Variants in UBE2L6 observed in about 807,000 individuals in gnomAD.
UBE2L6 encodes the protein ubiquitin conjugating enzyme E2 L6, also known as ubiquitin/ISG15-conjugating enzyme E2 L6.
Under a neutral mutation model 13.6 loss-of-function variants are expected in UBE2L6, and 11 were observed. The observed-to-expected ratio is 0.81, with a 90% CI of 0.51 to 1.34. The LOEUF (loss-of-function observed/expected upper bound fraction) is 1.34. UBE2L6 is among the 40% of genes most tolerant of loss of function. The pLI, the probability that UBE2L6 is intolerant of heterozygous loss-of-function variation, is 0.00. For synonymous variants in UBE2L6, 74 were observed against 83.2 expected (o/e 0.89, Z 0.60); for missense variants, 197 against 199.5 (o/e 0.99, Z 0.07).
intron 2 of UBE2L6, among the ~76,000 whole-genome samples, chr11:57,556,587 C>T (rs1384446724): frequency 6.5e-5 from 5 of 77,192 alleles, no homozygotes; most frequent in African/African-American, 2.7e-4. Flanking sequence ...AGCAAAACTC[C>T]GTCTCAAAAA....
At chr11:57,565,060 T>G (rs1007818590) in intron 1 of UBE2L6, among the ~76,000 whole-genome samples, 1 of 151,914 alleles carries the variant, frequency 6.6e-6, no homozygotes, top group African/African-American at 2.4e-5. Context: ...CTGACCAACA[T>G]GGAGAAACCC....
rs1028348479 is a variant in UBE2L6 at position 57,552,622 on chromosome 11, G to A, written c.311-113C>T. ...CACTCCTTGGGGGAAAGGTTACATC[G>A]CTTAGGATTACTCTACGACCAGATC... On this transcript the variant is annotated intron_variant, in intron 3 of 3. Coordinates refer to ENST00000287156, the MANE Select transcript of UBE2L6 (RefSeq NM_004223.5). 4.0e-5 allele frequency: 54 copies of A among 1,357,692 alleles called. No individual in the cohort carries two copies. The Middle Eastern group carries it at 8.9e-4, about 22-fold the overall frequency. The allele number at this position is 1,357,692 out of a possible 1,614,324, so 84.1% of individuals were successfully genotyped here.
At chr11:57,555,287 G>A (rs1944988481) in intron 2 of UBE2L6, among the ~76,000 whole-genome samples, 2 of 152,166 alleles carry the variant, frequency 1.3e-5, no homozygotes, top group African/African-American at 4.8e-5. Context: ...ACACACAATG[G>A]AGTATTATTT....
Position 57,563,163 on chromosome 11 carries a change from T to C in UBE2L6, c.28-2731A>G, listed in dbSNP as rs373534851. Among the ~76,000 whole-genome samples the C allele has an allele frequency of 1.3e-5, 2 of 151,634 alleles. 1 individual carries two copies. ...AATTTAACAAATAAATTGAAATAAT[T>C]AAAAAGAATCAAGGAGAAATTCCGG... On this transcript the variant is annotated intron_variant, in intron 1 of 3. Coordinates refer to ENST00000287156, the MANE Select transcript of UBE2L6 (RefSeq NM_004223.5).
intron 2 of UBE2L6, among the ~76,000 whole-genome samples, chr11:57,557,834 C>T (rs1005085614): frequency 1.4e-4 from 21 of 152,204 alleles, no homozygotes; most frequent in Non-Finnish European, 2.5e-4. Flanking sequence ...GAAGGGGCTT[C>T]TTTCTGGGCT....
At chr11:57,554,044 C>T (rs780640992) in intron 3 of UBE2L6, among the ~76,000 whole-genome samples, 1 of 152,170 alleles carries the variant, frequency 6.6e-6, no homozygotes, top group Non-Finnish European at 1.5e-5. Flanking sequence ...GCCGAAAGTG[C>T]TCAGTCAAGT....
At chr11:57,562,477 G>A (rs894822477) in intron 1 of UBE2L6, among the ~76,000 whole-genome samples, 19 of 152,220 alleles carry the variant, frequency 1.2e-4, no homozygotes, top group African/African-American at 4.3e-4. Flanking sequence ...GGCCTTGAGC[G>A]AACGTAGGGC....
intron 1 of UBE2L6, among the ~76,000 whole-genome samples, chr11:57,562,326 A>T (rs1393607346): frequency 6.6e-6 from 1 of 152,128 alleles, no homozygotes; most frequent in Non-Finnish European, 1.5e-5. Flanking sequence ...CACTAGAGAG[A>T]TTTCTAAGGT....
At chr11:57,556,654 T>C (rs1448205593) in intron 2 of UBE2L6, among the ~76,000 whole-genome samples, 2 of 113,532 alleles carry the variant, frequency 1.8e-5, no homozygotes, top group African/African-American at 3.5e-5. Context: ...ATAAAGAAAA[T>C]ATCTCATTTT....
chr11:57,565,285 G>A (rs1254853622), intron 1 of UBE2L6, among the ~76,000 whole-genome samples: 3 of 149,192 alleles, frequency 2.0e-5, no homozygotes, highest in East Asian at 4.0e-4. Context: ...AAAGAAAGAA[G>A]GAAAGAAATA....
intron 3 of UBE2L6, among the ~76,000 whole-genome samples, chr11:57,552,919 A>C (rs1012628763): frequency 6.6e-6 from 1 of 152,174 alleles, no homozygotes; most frequent in African/African-American, 2.4e-5. Context: ...TTCATCTTTC[A>C]CAGATGCCTT....
intron 2 of UBE2L6, among the ~76,000 whole-genome samples, chr11:57,555,282 C>A (rs1191382447): frequency 6.6e-6 from 1 of 152,126 alleles, no homozygotes; most frequent in African/African-American, 2.4e-5. Context: ...CATATACACA[C>A]AATGGAGTAT....
chr11:57,558,813 C>T (rs138326428), intron 2 of UBE2L6, among the ~76,000 whole-genome samples: 2,247 of 152,320 alleles, frequency 0.015, 23 homozygotes, highest in Middle Eastern at 0.044. Flanking sequence ...AGTCAACCAT[C>T]CCCTCCTTTA....
chr11:57,552,240 A>C lies in UBE2L6; in HGVS notation c.*118T>G, dbSNP rs1944964236. The C allele has an allele frequency of 7.1e-7, 1 of 1,413,846 alleles. No homozygotes were observed. Among genetic ancestry groups the C allele is most frequent in the African/African-American group, 1.4e-5 (1 of 70,376 alleles). 87.6% of individuals were successfully genotyped at this position (1,413,846 alleles called of 1,614,324 possible). ...ACACACACACACAAACTAATGACTA[A>C]CAACCTAAGAAGGGAAAAATGAATG... On this transcript the variant is annotated 3_prime_UTR_variant, in exon 4 of 4. Coordinates refer to ENST00000287156, the MANE Select transcript of UBE2L6 (RefSeq NM_004223.5).
intron 2 of UBE2L6, among the ~76,000 whole-genome samples, chr11:57,556,495 C>T (rs952293429): frequency 6.7e-6 from 1 of 148,198 alleles, no homozygotes; most frequent in Non-Finnish European, 1.5e-5. Context: ...GAGGCAAGAA[C>T]CGAGAGGCAG....
intron 1 of UBE2L6, among the ~76,000 whole-genome samples, chr11:57,564,462 A>G (rs562353745): frequency 5.3e-5 from 8 of 152,352 alleles, no homozygotes; most frequent in African/African-American, 1.9e-4. Flanking sequence ...GAAATGCTAA[A>G]AAGGAGTTCT....
At chr11:57,567,419 G>A in intron 1 of UBE2L6, 166 bp downstream of exon 1, 1 of 1,015,510 alleles carries the variant, frequency 9.8e-7, no homozygotes, top group Non-Finnish European at 1.5e-6. Flanking sequence ...ACTCTTGCAG[G>A]CCAGTCCTCC....
intron 2 of UBE2L6, 120 bp from the exon 3 acceptor site, chr11:57,554,743 C>A (rs766637162): frequency 7.9e-6 from 8 of 1,015,228 alleles, no homozygotes; most frequent in South Asian, 1.4e-5. Context: ...AGGACACACA[C>A]AGCACCTGCA....
upstream of UBE2L6, chr11:57,567,708 G>T: frequency 1.7e-6 from 2 of 1,153,144 alleles, no homozygotes; most frequent in South Asian, 2.8e-5. Flanking sequence ...CCCCACCCCC[G>T]GCAGCCCCGC....
Sources: allele counts gnomAD v4.1 joint callset (sites outside exome capture counted in the v4.1 genomes callset), GRCh38; gene constraint gnomAD v4.1.1; transcripts MANE v1.5; gene names NCBI Gene and HGNC (gene_info 2026-07-23, HGNC 2026-07-21).